The following SH3BGRL2 variants were observed in gnomAD, a reference collection of about 807,000 sequenced individuals.
The protein encoded by SH3BGRL2 is SH3 domain-binding glutamic acid-rich-like protein 2.
A neutral mutation model predicts 14.8 loss-of-function variants in SH3BGRL2; 21 were observed. The observed-to-expected ratio is 1.42, with a 90% confidence interval of 1.01 to 2.05. The LOEUF (loss-of-function observed/expected upper bound fraction) is 2.05, where lower values mean the gene tolerates loss of function less well. Ranked by LOEUF, SH3BGRL2 falls within the 30% of genes most tolerant of loss-of-function variation. The probability of loss-of-function intolerance (pLI) is 0.00; values close to 1 mark genes in which losing one functional copy is unlikely to be tolerated. For missense variants in SH3BGRL2, 147 were observed against 130.8 expected (o/e 1.12, Z -0.61); for synonymous variants, 50 against 47.8 (o/e 1.05, Z -0.19).
At position 79,633,908 on chromosome 6, in the gene SH3BGRL2, T is replaced by C. The variant is rs1768873796; in HGVS notation, c.45+2402T>C. 2.6e-5 allele frequency among the ~76,000 whole-genome samples: 4 copies of C among 152,220 alleles called. No homozygotes were observed. The South Asian group carries it at 8.3e-4, about 32-fold the overall frequency. On this transcript the variant is annotated intron_variant, in intron 1 of 3. Transcript: ENST00000369838. ...TAATGGGGCCAGTAGCATTAAGCTATATTAAGCTTTAGTGGCGTAGCCATG... is the reference window on the plus strand; with the variant it reads ...TAATGGGGCCAGTAGCATTAAGCTACATTAAGCTTTAGTGGCGTAGCCATG...
At chr6:79,667,357 GT>G (rs1399005926) in intron 1 of SH3BGRL2, among the ~76,000 whole-genome samples, 1 of 152,078 alleles carries the variant, frequency 6.6e-6, no homozygotes, top group East Asian at 1.9e-4. Context: ...GTTACAATCT[GT>G]TTACGTATCT....
At position 79,700,726 on chromosome 6, in the gene SH3BGRL2, A is replaced by G. The variant is rs1188664597; in HGVS notation, c.*1217A>G. 1 of 152,214 alleles carries G rather than the reference A, an allele frequency of 6.6e-6. No homozygotes were observed. The highest frequency in any genetic ancestry group is 1.5e-5 in the Non-Finnish European group (1 of 68,044). The allele number at this position is 152,214 out of a possible 1,614,324, so 9.4% of individuals were successfully genotyped here. On this transcript the variant is annotated 3_prime_UTR_variant, in exon 4 of 4. Coordinates refer to ENST00000369838, the MANE Select transcript of SH3BGRL2 (RefSeq NM_031469.4). Reference sequence around the variant, plus strand: ...TATACTCCTATTGGAGTGGATGCTGATGAACATCGAACATATCTACTTCAT... The same window carrying G: ...TATACTCCTATTGGAGTGGATGCTGGTGAACATCGAACATATCTACTTCAT...
At chr6:79,599,718 T>C in the SH3BGRL2 span, among the ~76,000 whole-genome samples, 10 of 152,178 alleles carry the variant, frequency 6.6e-5, no homozygotes, top group African/African-American at 2.2e-4. Context: ...GACATCTTAT[T>C]AATTGTTCCA....
At chr6:79,603,591 A>G in the SH3BGRL2 span, among the ~76,000 whole-genome samples, 3 of 152,188 alleles carry the variant, frequency 2.0e-5, no homozygotes, top group Non-Finnish European at 4.4e-5. Flanking sequence ...ATCACTCACT[A>G]GAAGTAGAGC....
chr6:79,617,595 CTG>C, the SH3BGRL2 span, among the ~76,000 whole-genome samples: 1 of 152,158 alleles, frequency 6.6e-6, no homozygotes, highest in Admixed American at 6.5e-5. Context: ...TCAAACTTTG[CTG>C]TGTTTGTTTT....
the SH3BGRL2 span, among the ~76,000 whole-genome samples, chr6:79,550,715 A>G: frequency 6.6e-6 from 1 of 152,142 alleles, no homozygotes; most frequent in Non-Finnish European, 1.5e-5. Flanking sequence ...GCAGAGTATG[A>G]TCAGAAAGTA....
At chr6:79,662,814 G>A (rs999531632) in intron 1 of SH3BGRL2, among the ~76,000 whole-genome samples, 11 of 152,044 alleles carry the variant, frequency 7.2e-5, no homozygotes, top group Non-Finnish European at 8.8e-5. Context: ...TTTTCACATA[G>A]TCCCATATTT....
chr6:79,553,952 G>A, the SH3BGRL2 span, among the ~76,000 whole-genome samples: 31,637 of 149,924 alleles, frequency 0.21, 3,442 homozygotes, highest in African/African-American at 0.27. Context: ...TGGGTGACAG[G>A]GCGAGACTCT....
chr6:79,582,000 CAGAG>C, the SH3BGRL2 span, among the ~76,000 whole-genome samples: 2 of 152,076 alleles, frequency 1.3e-5, no homozygotes, highest in East Asian at 3.9e-4. Flanking sequence ...AACAGACAAA[CAGAG>C]AGCCAAATCA....
intron 1 of SH3BGRL2, among the ~76,000 whole-genome samples, chr6:79,653,910 A>G (rs1769354221): frequency 6.6e-6 from 1 of 152,160 alleles, no homozygotes; most frequent in South Asian, 2.1e-4. Context: ...AGGTTCTAAT[A>G]GTGGTAAGAA....
intron 2 of SH3BGRL2, among the ~76,000 whole-genome samples, chr6:79,690,857 G>A (rs1481019658): frequency 6.6e-6 from 1 of 152,160 alleles, no homozygotes; most frequent in Non-Finnish European, 1.5e-5. Flanking sequence ...TTCAAGATCA[G>A]CCTGGGCAAT....
intron 2 of SH3BGRL2, among the ~76,000 whole-genome samples, chr6:79,689,761 T>A (rs954604118): frequency 6.6e-6 from 1 of 152,188 alleles, no homozygotes; most frequent in African/African-American, 2.4e-5. Context: ...TTAAGGTTTT[T>A]AATTATAAAC....
chr6:79,674,717 A>G (rs1198680734), intron 2 of SH3BGRL2, among the ~76,000 whole-genome samples: 1 of 152,246 alleles, frequency 6.6e-6, no homozygotes. Flanking sequence ...AAGTTGTAAT[A>G]TAAAGCCATG....
the SH3BGRL2 span, among the ~76,000 whole-genome samples, chr6:79,609,935 AT>A: frequency 6.6e-6 from 1 of 152,230 alleles, no homozygotes; most frequent in Non-Finnish European, 1.5e-5. Flanking sequence ...TTATTATGGC[AT>A]TTTTGCATAT....
the SH3BGRL2 span, among the ~76,000 whole-genome samples, chr6:79,622,417 A>T: frequency 6.6e-6 from 1 of 152,312 alleles, no homozygotes; most frequent in African/African-American, 2.4e-5. Flanking sequence ...CTACTTTACT[A>T]TCTAAAACCA....
chr6:79,631,455 C>G lies in SH3BGRL2; in HGVS notation c.-7C>G. On this transcript the variant is annotated 5_prime_UTR_variant, in exon 1 of 4. Coordinates refer to ENST00000369838, the MANE Select transcript of SH3BGRL2 (RefSeq NM_031469.4). ...GGCAAGGGGTCTGTCCCGGGCGCAGCGAGAGGATGGTCATCCGCGTGTTCA... is the reference window on the plus strand; with the variant it reads ...GGCAAGGGGTCTGTCCCGGGCGCAGGGAGAGGATGGTCATCCGCGTGTTCA... 2 of 1,518,428 alleles carry G rather than the reference C, an allele frequency of 1.3e-6. No individual in the cohort carries two copies. The highest frequency in any genetic ancestry group is 1.8e-6 in the Non-Finnish European group (2 of 1,132,390). 94.1% of individuals were successfully genotyped at this position (1,518,428 alleles called of 1,614,324 possible).
the SH3BGRL2 span, among the ~76,000 whole-genome samples, chr6:79,546,873 G>T: frequency 3.3e-5 from 5 of 151,810 alleles, no homozygotes; most frequent in Non-Finnish European, 7.4e-5. Flanking sequence ...GTAGAGACGG[G>T]GTTTCACCAT....
At chr6:79,545,165 T>TAG in the SH3BGRL2 span, among the ~76,000 whole-genome samples, 1 of 152,240 alleles carries the variant, frequency 6.6e-6, no homozygotes, top group East Asian at 1.9e-4. Flanking sequence ...ATCTTAACAA[T>TAG]GACCTGTTTC....
chr6:79,553,468 A>C, the SH3BGRL2 span, among the ~76,000 whole-genome samples: 1 of 152,204 alleles, frequency 6.6e-6, no homozygotes, highest in African/African-American at 2.4e-5. Flanking sequence ...ACAAAACTTT[A>C]GTGTACATTT....
Sources: gnomAD v4.1 joint callset for allele counts (sites outside exome capture counted in the v4.1 genomes callset) on GRCh38, gnomAD v4.1.1 for gene constraint, MANE v1.5 for transcripts, NCBI Gene and HGNC (gene_info 2026-07-23, HGNC 2026-07-21) for gene names.